ZNF423: variants seen among roughly 807,000 people sequenced by gnomAD.
The protein encoded by ZNF423 is Ebf-associated zinc finger protein.
Under a neutral mutation model 95.8 loss-of-function variants are expected in ZNF423, and 12 were observed. The ratio of observed to expected loss-of-function variants is 0.13; its 90% CI spans 0.08 to 0.20. ZNF423 has a LOEUF of 0.20. Among genes scored for constraint, ZNF423 ranks in the 10% least tolerant of loss-of-function variants. ZNF423 has a pLI of 1.00. For synonymous variants in ZNF423, 749 were observed against 711.9 expected (o/e 1.05, Z -0.83); for missense variants, 1,316 against 1,737.1 (o/e 0.76, Z 4.31).
At position 49,636,584 on chromosome 16, in the gene ZNF423, A is replaced by G; in HGVS notation, c.2592T>C (p.Ala864=). 6.2e-7 allele frequency: 1 copy of G among 1,613,806 alleles called. No homozygotes were observed. The highest frequency in any genetic ancestry group is 1.3e-5 in the African/African-American group (1 of 74,982). ...TCTTAAGCAGCATGCCCTGCAGGTC[A>G]GCAGGCTCAGCTTTCTTGGTGGCCA... ...PPMATKKAEP[A]DLQGMLLKNP... Residue 864 remains alanine (A), a synonymous_variant, in exon 4 of 8, where the codon GCT becomes GCC. Coordinates refer to ENST00000563137, the MANE Select transcript of ZNF423 (RefSeq NM_001379286.1). This position sits in a 1 kb window ranked among gnomAD's most constrained non-coding sequence, Gnocchi z 8.6.
At chr16:49,668,202 C>A (rs1187156106) in intron 3 of ZNF423, among the ~76,000 whole-genome samples, 3 of 152,276 alleles carry the variant, frequency 2.0e-5, no homozygotes, top group South Asian at 2.1e-4. Context: ...CCCTACCCCC[C>A]ACCCACCTCC....
chr16:49,547,904 G>A (rs886282460), intron 5 of ZNF423, among the ~76,000 whole-genome samples: 23 of 152,162 alleles, frequency 1.5e-4, no homozygotes, highest in Admixed American at 1.4e-3. Context: ...AGGTTACAAC[G>A]AGGACCATCC....
At chr16:49,577,910 C>G (rs1254128878) in intron 5 of ZNF423, among the ~76,000 whole-genome samples, 1 of 152,236 alleles carries the variant, frequency 6.6e-6, no homozygotes, top group Non-Finnish European at 1.5e-5. Context: ...GCCTCTGAAA[C>G]TCTGCACTCA....
Position 49,635,840 on chromosome 16 carries a change from C to T in ZNF423, c.3336G>A (p.Val1112=), listed in dbSNP as rs61739947. The stretch of plus-strand genomic sequence containing the variant: ...CGGGCTCGGGCGGGGCCAGGCCACC[C>T]ACCTGTCCGTTGGCGCTGCGGGCCA... The part of the protein sequence containing the change: ...GCMARSANGQ[V]GGLAPPEPAD... The change falls in exon 4 of 8, where the codon GTG becomes GTA. Residue 1112 remains valine (V), a synonymous_variant. Coordinates refer to ENST00000563137, the MANE Select transcript of ZNF423 (RefSeq NM_001379286.1). This position sits in a 1 kb window ranked among gnomAD's most constrained non-coding sequence, Gnocchi z 4.8. 2.4e-4 allele frequency: 392 copies of T among 1,603,426 alleles called. No individual in the cohort carries two copies. The African/African-American group carries it at 3.9e-3, about 16-fold the overall frequency.
chr16:49,658,322 G>A (rs1454701769), intron 3 of ZNF423, among the ~76,000 whole-genome samples: 1 of 152,104 alleles, frequency 6.6e-6, no homozygotes, highest in African/African-American at 2.4e-5. Flanking sequence ...GGTGGGCTGG[G>A]CGCTGCAAGG....
intron 2 of ZNF423, among the ~76,000 whole-genome samples, chr16:49,786,441 T>TG (rs1398750547): frequency 6.6e-6 from 1 of 152,252 alleles, no homozygotes; most frequent in Non-Finnish European, 1.5e-5. Flanking sequence ...GCTTGCGCTC[T>TG]GGGCCAAGAG....
intron 2 of ZNF423, among the ~76,000 whole-genome samples, chr16:49,750,135 G>T (rs1453200724): frequency 6.6e-6 from 1 of 152,236 alleles, no homozygotes; most frequent in African/African-American, 2.4e-5. Flanking sequence ...GCTGCTCGGG[G>T]TGAGTCACAT....
intron 3 of ZNF423, among the ~76,000 whole-genome samples, chr16:49,729,084 T>G (rs2033098739): frequency 6.6e-6 from 1 of 152,140 alleles, no homozygotes; most frequent in Admixed American, 6.6e-5. Context: ...ATCTCCTTGA[T>G]TTGAAGGGCT....
At chr16:49,711,096 A>C (rs2032529364) in intron 3 of ZNF423, among the ~76,000 whole-genome samples, 1 of 152,144 alleles carries the variant, frequency 6.6e-6, no homozygotes, top group East Asian at 1.9e-4. Context: ...ATAGGATGGA[A>C]TGAGAGGGGT....
At chr16:49,819,791 T>C (rs1188573415) in intron 1 of ZNF423, among the ~76,000 whole-genome samples, 1 of 152,174 alleles carries the variant, frequency 6.6e-6, no homozygotes, top group Non-Finnish European at 1.5e-5. Context: ...AGACGTGCAA[T>C]GGTTCAACCT....
At chr16:49,807,493 T>C (rs751254078) in intron 1 of ZNF423, among the ~76,000 whole-genome samples, 8 of 151,974 alleles carry the variant, frequency 5.3e-5, no homozygotes, top group Non-Finnish European at 1.0e-4. Flanking sequence ...CTGTAATGTC[T>C]GGTTCCAAAC....
At chr16:49,691,548 T>C (rs1036719786) in intron 3 of ZNF423, among the ~76,000 whole-genome samples, 1 of 151,954 alleles carries the variant, frequency 6.6e-6, no homozygotes, top group African/African-American at 2.4e-5. Context: ...CTGGGTAACA[T>C]GGTGAAACCC....
chr16:49,843,458 G>A (rs950170194), intron 1 of ZNF423, among the ~76,000 whole-genome samples: 2 of 152,130 alleles, frequency 1.3e-5, no homozygotes, highest in Non-Finnish European at 1.5e-5. Context: ...TGGAGCCCAG[G>A]TAATGTTATT....
chr16:49,491,725 C>A (rs927826993), intron 7 of ZNF423, among the ~76,000 whole-genome samples: 29 of 152,252 alleles, frequency 1.9e-4, no homozygotes, highest in African/African-American at 6.5e-4. Flanking sequence ...GCCCTCGCAT[C>A]CCCCTCTCAG....
chr16:49,637,454 G>A lies in ZNF423; in HGVS notation c.1722C>T (p.Pro574=), dbSNP rs1972773865. The change falls in exon 4 of 8, where the codon CCC becomes CCT. Residue 574 remains proline, a synonymous_variant. Coordinates refer to ENST00000563137, the MANE Select transcript of ZNF423 (RefSeq NM_001379286.1). This position sits in a 1 kb window ranked among gnomAD's most constrained non-coding sequence, Gnocchi z 5.6. ...CAAAGATGGGGGAGTTGGTGCAGTA[G>A]GGGCAGGAATAGACCTCCATGAAGG... ...TQSFMEVYSC[P]YCTNSPIFGS... The A allele has an allele frequency of 6.2e-7, 1 of 1,614,032 alleles. No individual in the cohort carries two copies. Among genetic ancestry groups the A allele is most frequent in the Admixed American group, 1.7e-5 (1 of 60,002 alleles).
chr16:49,709,702 C>G (rs77077476), intron 3 of ZNF423, among the ~76,000 whole-genome samples: 1 of 152,160 alleles, frequency 6.6e-6, no homozygotes, highest in Non-Finnish European at 1.5e-5. Context: ...TCCATCCCTA[C>G]GAGTGCGATC....
intron 5 of ZNF423, among the ~76,000 whole-genome samples, chr16:49,580,740 G>C (rs1199677361): frequency 3.9e-5 from 6 of 152,156 alleles, no homozygotes; most frequent in Non-Finnish European, 7.3e-5. Flanking sequence ...GAAGGCCCCA[G>C]AGATTCCACA....
chr16:49,596,352 G>A (rs1287743834), intron 5 of ZNF423, among the ~76,000 whole-genome samples: 4 of 152,050 alleles, frequency 2.6e-5, no homozygotes, highest in Non-Finnish European at 4.4e-5. Flanking sequence ...CTGGACAGCC[G>A]GAGTAGATAG....
At chr16:49,538,438 G>T (rs1969130674) in intron 5 of ZNF423, among the ~76,000 whole-genome samples, 1 of 152,076 alleles carries the variant, frequency 6.6e-6, no homozygotes, top group Non-Finnish European at 1.5e-5. Flanking sequence ...TTTGCTCTCC[G>T]CTCCTGGCCC....
Sources: allele counts gnomAD v4.1 joint callset (sites outside exome capture counted in the v4.1 genomes callset), GRCh38; gene constraint gnomAD v4.1.1; non-coding constraint Gnocchi (gnomAD v3.1); transcripts MANE v1.5; gene names NCBI Gene and HGNC (gene_info 2026-07-23, HGNC 2026-07-21).